Variants in ANKRD30BL observed in about 807,000 individuals in gnomAD.
ANKRD30BL encodes ankyrin repeat domain 30B like, also known as putative ankyrin repeat domain-containing protein 30B-like.
A neutral mutation model predicts 18.4 loss-of-function variants in ANKRD30BL; 20 were observed. The observed-to-expected ratio is 1.09, with a 90% CI of 0.77 to 1.58. The LOEUF is 1.58. ANKRD30BL is among the 40% of genes most tolerant of loss of function. The pLI is 0.00. For missense variants in ANKRD30BL, 224 were observed against 268.6 expected, an observed-to-expected ratio of 0.83 and a Z score of 1.16; for synonymous variants, 72 against 100.9, an observed-to-expected ratio of 0.71 and a Z score of 1.72.
intron 1 of ANKRD30BL, among the ~76,000 whole-genome samples, chr2:132,194,317 TG>T (rs1208409314): frequency 6.6e-6 from 1 of 151,850 alleles, no homozygotes; most frequent in Non-Finnish European, 1.5e-5. Flanking sequence ...GGTTAGGAGG[TG>T]GGGGTAATGG....
chr2:132,214,600 A>G (rs1322607349), intron 1 of ANKRD30BL, among the ~76,000 whole-genome samples: 1 of 151,966 alleles, frequency 6.6e-6, no homozygotes, highest in East Asian at 1.9e-4. Context: ...CATTTTTGAA[A>G]CACCCTTTTT....
intron 1 of ANKRD30BL, among the ~76,000 whole-genome samples, chr2:132,210,733 G>A (rs1679323136): frequency 1.3e-5 from 2 of 151,620 alleles, no homozygotes; most frequent in Admixed American, 1.3e-4. Context: ...CAACACAGAA[G>A]CAGTCTGTGT....
intron 1 of ANKRD30BL, among the ~76,000 whole-genome samples, chr2:132,238,670 A>G (rs905573183): frequency 6.6e-6 from 1 of 152,008 alleles, no homozygotes; most frequent in Non-Finnish European, 1.5e-5. Flanking sequence ...TGATGTGTGT[A>G]CTCAACTCAC....
chr2:132,210,468 A>G (rs1453489707), intron 1 of ANKRD30BL, among the ~76,000 whole-genome samples: 1 of 152,144 alleles, frequency 6.6e-6, no homozygotes, highest in Non-Finnish European at 1.5e-5. Context: ...AGCAGTTTGA[A>G]ACACTCTTTT....
At position 132,183,006 on chromosome 2, in the gene ANKRD30BL, TAAC is replaced by T. The variant is rs1181535695; in HGVS notation, n.442-25863_442-25861del. On this transcript the variant is annotated intron_variant and non_coding_transcript_variant, in intron 1 of 4. Coordinates refer to the ANKRD30BL transcript ENST00000470729. ...TGAAAAATATATATAAAATAAAAAA[TAAC>T]GATGTTGGATAATATCATAAATGAT... Among the ~76,000 whole-genome samples the T allele has an allele frequency of 2.0e-5, 3 of 152,226 alleles. No homozygotes were observed. In the East Asian group the frequency reaches 5.8e-4, roughly 29 times the overall value.
intron 1 of ANKRD30BL, among the ~76,000 whole-genome samples, chr2:132,233,508 A>G (rs914203058): frequency 6.9e-6 from 1 of 144,300 alleles, no homozygotes; most frequent in African/African-American, 2.6e-5. Context: ...AAGCAAATGG[A>G]AAACAAAAAA....
chr2:132,161,292 G>C (rs1237523705), intron 1 of ANKRD30BL, among the ~76,000 whole-genome samples, 196 bp downstream of exon 1: 1 of 152,130 alleles, frequency 6.6e-6, no homozygotes, highest in East Asian at 1.9e-4. Flanking sequence ...GCCCTGCAGG[G>C]CGCCCTCATC....
At chr2:132,224,299 A>G (rs898979850) in intron 1 of ANKRD30BL, among the ~76,000 whole-genome samples, 2 of 152,144 alleles carry the variant, frequency 1.3e-5, no homozygotes, top group African/African-American at 4.8e-5. Flanking sequence ...TGGAAAAGGA[A>G]ATATCTTTAT....
chr2:132,203,672 G>T (rs1046984247), intron 1 of ANKRD30BL, among the ~76,000 whole-genome samples: 2 of 151,654 alleles, frequency 1.3e-5, no homozygotes, highest in African/African-American at 4.8e-5. Context: ...TGACATACTT[G>T]GGATAATTTT....
At chr2:132,183,009 C>A (rs4392313) in intron 1 of ANKRD30BL, among the ~76,000 whole-genome samples, 62 of 145,344 alleles carry the variant, frequency 4.3e-4, no homozygotes, top group African/African-American at 8.2e-4. Context: ...TAAAAAATAA[C>A]GATGTTGGAT....
At chr2:132,175,270 C>CA (rs1406972494) in intron 1 of ANKRD30BL, among the ~76,000 whole-genome samples, 1 of 151,360 alleles carries the variant, frequency 6.6e-6, no homozygotes, top group Non-Finnish European at 1.5e-5. Context: ...AGAAGGTCAG[C>CA]AAAAAAACAT....
intron 1 of ANKRD30BL, among the ~76,000 whole-genome samples, chr2:132,231,193 C>T (rs1276528468): frequency 6.6e-6 from 1 of 152,096 alleles, no homozygotes; most frequent in African/African-American, 2.4e-5. Flanking sequence ...TCAGAAACTT[C>T]TTTGTGATGG....
chr2:132,206,049 T>C (rs953157717), intron 1 of ANKRD30BL, among the ~76,000 whole-genome samples: 44 of 151,830 alleles, frequency 2.9e-4, no homozygotes, highest in African/African-American at 1.1e-3. Context: ...TCCTAGCTAC[T>C]TGGGAGGCTG....
intron 1 of ANKRD30BL, among the ~76,000 whole-genome samples, chr2:132,252,998 C>T (rs967910451): frequency 2.6e-5 from 4 of 152,016 alleles, no homozygotes; most frequent in African/African-American, 9.7e-5. Context: ...TACACAGGGC[C>T]GCAGGGGGAG....
At chr2:132,163,054 C>T (rs1167263470), upstream of ANKRD30BL, among the ~76,000 whole-genome samples, 1 of 152,220 alleles carries the variant, frequency 6.6e-6, no homozygotes, top group Non-Finnish European at 1.5e-5. Context: ...GGGTCATCTG[C>T]AGCCCTCCTG....
At chr2:132,251,866 C>A (rs74543669) in intron 1 of ANKRD30BL, among the ~76,000 whole-genome samples, 1 of 152,264 alleles carries the variant, frequency 6.6e-6, no homozygotes, top group African/African-American at 2.4e-5. Context: ...TGGTAATGAG[C>A]CTTTAATGTG....
chr2:132,162,936 C>T (rs1688112292), upstream of ANKRD30BL, among the ~76,000 whole-genome samples: 1 of 152,188 alleles, frequency 6.6e-6, no homozygotes, highest in African/African-American at 2.4e-5. Flanking sequence ...CTGACAGGCA[C>T]GGATGGCGGG....
intron 1 of ANKRD30BL, among the ~76,000 whole-genome samples, chr2:132,245,811 A>G (rs931208192): frequency 6.6e-6 from 1 of 151,588 alleles, no homozygotes; most frequent in Non-Finnish European, 1.5e-5. Flanking sequence ...AGACAGAAGC[A>G]TTCTCAGAAA....
At chr2:132,257,013 C>T (rs779845271) in intron 1 of ANKRD30BL, 1 of 517,290 alleles carries the variant, frequency 1.9e-6, no homozygotes, top group East Asian at 5.5e-5. Flanking sequence ...GCCACGGGAT[C>T]CCACCGCCAC....
Sources: allele counts gnomAD v4.1 joint callset (sites outside exome capture counted in the v4.1 genomes callset), GRCh38; gene constraint gnomAD v4.1.1; transcripts MANE v1.5; gene names NCBI Gene and HGNC (gene_info 2026-07-23, HGNC 2026-07-21).